Variants in ENPP6 observed in about 807,000 individuals in gnomAD.
The protein encoded by ENPP6 is glycerophosphocholine cholinephosphodiesterase ENPP6.
ENPP6 carries 32 observed loss-of-function variants against 42.0 expected under a neutral mutation model. The ratio of observed to expected loss-of-function variants is 0.76; its 90% CI spans 0.58 to 1.02. ENPP6 has a LOEUF of 1.02. Ranked by LOEUF, ENPP6 falls within the 50% of genes least tolerant of loss-of-function variation. The probability of loss-of-function intolerance (pLI) is 0.00; values close to 1 mark genes in which losing one functional copy is unlikely to be tolerated. For synonymous variants in ENPP6, 213 were observed against 216.0 expected (o/e 0.99, Z 0.12); for missense variants, 552 against 566.8 (o/e 0.97, Z 0.27).
At chr4:184,139,328 G>A (rs903169732) in intron 2 of ENPP6, among the ~76,000 whole-genome samples, 3 of 151,480 alleles carry the variant, frequency 2.0e-5, no homozygotes, top group Admixed American at 6.6e-5. Flanking sequence ...TTATTCTGAG[G>A]TGAATTTTTT....
In ENPP6 at chr4:184,111,207, C is replaced by T. The variant is rs1045852640; in HGVS notation, c.993+1465G>A. 7.9e-5 allele frequency among the ~76,000 whole-genome samples: 12 copies of T among 152,286 alleles called. No homozygotes were observed. The East Asian group carries it at 1.5e-3, about 20-fold the overall frequency. On this transcript the variant is annotated intron_variant, in intron 6 of 7. Transcript: ENST00000296741. ...CAGCACGGGTGACTTCAGCTAAAGA[C>T]GACAGAGTAATGACGGATGCAAATA...
chr4:184,142,330 C>T (rs376481528), intron 2 of ENPP6, among the ~76,000 whole-genome samples: 1 of 152,264 alleles, frequency 6.6e-6, no homozygotes, highest in African/African-American at 2.4e-5. Flanking sequence ...CTGTTGAATG[C>T]ATGTCTCAAG....
chr4:184,143,233 T>C (rs1174848980), intron 2 of ENPP6, among the ~76,000 whole-genome samples: 1 of 152,208 alleles, frequency 6.6e-6, no homozygotes, highest in Non-Finnish European at 1.5e-5. Flanking sequence ...CTTGCCCCTG[T>C]CTAGGAATTC....
chr4:184,174,993 C>T (rs1737537402), intron 1 of ENPP6, among the ~76,000 whole-genome samples: 1 of 152,258 alleles, frequency 6.6e-6, no homozygotes, highest in Non-Finnish European at 1.5e-5. Flanking sequence ...AATTGACTCA[C>T]ACAAAAGCAT....
chr4:184,117,521 G>A (rs528786935), intron 4 of ENPP6, among the ~76,000 whole-genome samples: 60 of 152,370 alleles, frequency 3.9e-4, no homozygotes, highest in African/African-American at 1.4e-3. Context: ...TGTCTCTCCA[G>A]CTGAGCCAGG....
Position 184,112,828 on chromosome 4 carries a change from G to T in ENPP6, c.856-19C>A. 6.2e-7 allele frequency: 1 copy of T among 1,610,956 alleles called. No individual in the cohort carries two copies. Among genetic ancestry groups the T allele is most frequent in the Non-Finnish European group, 8.5e-7 (1 of 1,178,826 alleles). On this transcript the variant is annotated intron_variant, in intron 5 of 7. Coordinates refer to ENST00000296741, the MANE Select transcript of ENPP6 (RefSeq NM_153343.4). ...TATATATCTGCAAAGAAAATCAAGA[G>T]TGATCAGTTTGACACTCTCTTAAAT...
intron 1 of ENPP6, among the ~76,000 whole-genome samples, chr4:184,188,989 T>C (rs762847288): frequency 1.3e-5 from 2 of 152,126 alleles, no homozygotes; most frequent in Admixed American, 6.5e-5. Context: ...TCTTTGAAAA[T>C]GTAATTTCCT....
chr4:184,117,180 A>C, intron 4 of ENPP6, 145 bp from the exon 5 acceptor site: 1 of 958,794 alleles, frequency 1.0e-6, no homozygotes, highest in Middle Eastern at 3.3e-4. Flanking sequence ...GGTGAGACCC[A>C]GTTCAAAACC....
intron 2 of ENPP6, among the ~76,000 whole-genome samples, chr4:184,150,802 G>A (rs1184945890): frequency 6.6e-6 from 1 of 152,174 alleles, no homozygotes; most frequent in Non-Finnish European, 1.5e-5. Context: ...CTTCATTTAG[G>A]TCACTGAGGA....
intron 1 of ENPP6, among the ~76,000 whole-genome samples, chr4:184,169,838 C>T (rs973426679): frequency 6.6e-6 from 1 of 152,238 alleles, no homozygotes; most frequent in Admixed American, 6.5e-5. Flanking sequence ...TAAAAATTAT[C>T]TATGATGAAA....
chr4:184,118,838 C>T (rs2111348015), intron 3 of ENPP6, among the ~76,000 whole-genome samples: 1 of 152,294 alleles, frequency 6.6e-6, no homozygotes, highest in South Asian at 2.1e-4. Flanking sequence ...GGTCCAGGAA[C>T]CATTCTAGAA....
At chr4:184,207,500 G>A (rs562717866) in intron 1 of ENPP6, among the ~76,000 whole-genome samples, 2 of 152,268 alleles carry the variant, frequency 1.3e-5, no homozygotes, top group Admixed American at 1.3e-4. Flanking sequence ...AAAGATCCAC[G>A]GTAAGATACA....
At chr4:184,121,253 C>G (rs1230187285) in intron 3 of ENPP6, among the ~76,000 whole-genome samples, 1 of 152,324 alleles carries the variant, frequency 6.6e-6, no homozygotes, top group Non-Finnish European at 1.5e-5. Flanking sequence ...TGTCTGGGGT[C>G]AGTAATGCGT....
At chr4:184,157,861 C>T (rs1214683343) in intron 1 of ENPP6, among the ~76,000 whole-genome samples, 1 of 148,070 alleles carries the variant, frequency 6.8e-6, no homozygotes, top group African/African-American at 2.5e-5. Context: ...CTCCAGTGAT[C>T]CACCCGCCTC....
At chr4:184,195,129 T>G (rs1732775201) in intron 1 of ENPP6, among the ~76,000 whole-genome samples, 1 of 152,224 alleles carries the variant, frequency 6.6e-6, no homozygotes, top group Non-Finnish European at 1.5e-5. Flanking sequence ...TATTGATTTT[T>G]TGTAACTTTT....
Position 184,131,263 on chromosome 4 carries a change from CCT to C in ENPP6, c.422-6993_422-6992del, listed in dbSNP as rs1736624859. ...TTCTTTCTTTCTTTCTCTTTCTCTT[CCT>C]TCCTTCCTTCCTTCCTTCCTTCCTT... On this transcript the variant is annotated intron_variant, in intron 2 of 7. Transcript: ENST00000296741. Among the ~76,000 whole-genome samples the C allele has an allele frequency of 2.8e-5, 2 of 71,822 alleles. 1 individual carries two copies. The highest frequency in any genetic ancestry group is 0.011 in the Middle Eastern group (2 of 186). 47.1% of individuals were successfully genotyped at this position (71,822 alleles called of 152,430 possible). A position where few individuals can be genotyped will look rare whatever the true frequency, so the allele number is the denominator to read the frequency against.
intron 2 of ENPP6, among the ~76,000 whole-genome samples, chr4:184,133,167 A>T (rs868571235): frequency 1.6e-3 from 244 of 148,448 alleles, no homozygotes; most frequent in South Asian, 2.8e-3. Flanking sequence ...CAATTCACAC[A>T]CACACACACA....
intron 4 of ENPP6, among the ~76,000 whole-genome samples, 190 bp downstream of exon 4, chr4:184,117,569 T>C (rs1405123487): frequency 6.6e-6 from 1 of 152,228 alleles, no homozygotes; most frequent in East Asian, 1.9e-4. Context: ...CTCACTGGCC[T>C]GGCTGTGGAA....
In ENPP6 at chr4:184,137,357, A is replaced by T. The variant is rs183801088; in HGVS notation, c.422-13085T>A. 3.9e-3 allele frequency among the ~76,000 whole-genome samples: 591 copies of T among 152,354 alleles called. 7 individuals are homozygous for T. Among genetic ancestry groups the T allele is most frequent in the Non-Finnish European group, 5.8e-3 (394 of 68,032 alleles). ...AGCAATCCACCTGCCTCAGCCTCCC[A>T]GAGTGCTGGGATTACAGGCGTGAGC... is the stretch of plus-strand genomic sequence containing the variant. On this transcript the variant is annotated intron_variant, in intron 2 of 7. Coordinates refer to ENST00000296741, the MANE Select transcript of ENPP6 (RefSeq NM_153343.4).
Sources: gnomAD v4.1 joint callset for allele counts (sites outside exome capture counted in the v4.1 genomes callset) on GRCh38, gnomAD v4.1.1 for gene constraint, MANE v1.5 for transcripts, NCBI Gene and HGNC (gene_info 2026-07-23, HGNC 2026-07-21) for gene names.